Variants in IQCM observed in about 807,000 individuals in gnomAD.
IQCM encodes IQ motif containing M.
A neutral mutation model predicts 57.6 loss-of-function variants in IQCM; 45 were observed. That is an observed-to-expected ratio of 0.78 (90% CI 0.62 to 1.00). IQCM has a LOEUF of 1.00. Ranked by LOEUF, IQCM falls within the 50% of genes least tolerant of loss-of-function variation. IQCM has a pLI of 0.00. For synonymous variants in IQCM, 148 were observed against 158.9 expected (o/e 0.93, Z 0.51); for missense variants, 468 against 511.6 (o/e 0.91, Z 0.82).
intron 2 of IQCM, among the ~76,000 whole-genome samples, chr4:149,753,212 C>A (rs1181795158): frequency 6.6e-6 from 1 of 151,230 alleles, no homozygotes; most frequent in Non-Finnish European, 1.5e-5. Flanking sequence ...TCAATAAGAT[C>A]AACAATTGGA....
At chr4:149,414,223 C>T (rs1263636077) in intron 13 of IQCM, among the ~76,000 whole-genome samples, 1 of 152,180 alleles carries the variant, frequency 6.6e-6, no homozygotes, top group African/African-American at 2.4e-5. Context: ...GAATTCTCCT[C>T]TCTTCATCCA....
chr4:149,554,435 G>A (rs568628216), intron 10 of IQCM, among the ~76,000 whole-genome samples: 74 of 151,846 alleles, frequency 4.9e-4, no homozygotes, highest in Non-Finnish European at 7.7e-4. Context: ...TCATGTCTCA[G>A]CCCCTGGAGT....
chr4:149,362,024 AC>A (rs1729529558), intron 13 of IQCM, among the ~76,000 whole-genome samples: 1 of 152,124 alleles, frequency 6.6e-6, no homozygotes, highest in Non-Finnish European at 1.5e-5. Context: ...CATCACCATG[AC>A]CTGGAGGTGA....
chr4:149,750,986 T>A (rs1278219964), intron 2 of IQCM, among the ~76,000 whole-genome samples: 2 of 152,196 alleles, frequency 1.3e-5, no homozygotes, highest in Admixed American at 6.5e-5. Context: ...TTCTTTTTTA[T>A]CTCTATAAAC....
At position 149,621,225 on chromosome 4, in the gene IQCM, C is replaced by G; in HGVS notation, c.585G>C (p.Trp195Cys). 1 of 1,231,076 alleles carries G rather than the reference C, an allele frequency of 8.1e-7. No homozygotes were observed. The highest frequency in any genetic ancestry group is 1.0e-6 in the Non-Finnish European group (1 of 987,004). 76.3% of individuals were successfully genotyped at this position (1,231,076 alleles called of 1,614,324 possible). Residue 195 changes from tryptophan to cysteine, a missense_variant, in exon 8 of 14, where the codon TGG becomes TGC. By Grantham distance (215) the Trp-to-Cys change is radical. Transcript: ENST00000636793. ...LKEPDKAFYDWRGFVLTRSFR... is the reference protein window; with the variant it reads ...LKEPDKAFYDCRGFVLTRSFR... ...AAGACCTTGTCAGCACAAATCCTCT[C>G]CAGTCATAGAATGCTTTGTCTGTTA...
At chr4:149,478,847 T>C (rs1394747217) in intron 12 of IQCM, among the ~76,000 whole-genome samples, 3 of 152,168 alleles carry the variant, frequency 2.0e-5, no homozygotes, top group South Asian at 2.1e-4. Context: ...TTAACATTAA[T>C]GTGATTTCAT....
At chr4:149,632,990 T>C (rs1466012405) in intron 7 of IQCM, among the ~76,000 whole-genome samples, 42 of 148,596 alleles carry the variant, frequency 2.8e-4, no homozygotes, top group East Asian at 9.9e-4. Context: ...TGAAACCCCG[T>C]CTCTACTAAA....
At chr4:149,596,658 T>C (rs1167161789) in intron 8 of IQCM, among the ~76,000 whole-genome samples, 1 of 151,926 alleles carries the variant, frequency 6.6e-6, no homozygotes, top group African/African-American at 2.4e-5. Flanking sequence ...TGGCTCTGAG[T>C]GAAGAGATAA....
At chr4:149,651,658 G>C (rs553777054) in intron 7 of IQCM, among the ~76,000 whole-genome samples, 1 of 152,186 alleles carries the variant, frequency 6.6e-6, no homozygotes, top group South Asian at 2.1e-4. Context: ...AAAAAGATAT[G>C]ACTGATGAAT....
At chr4:149,680,363 G>A (rs1762089256) in intron 7 of IQCM, among the ~76,000 whole-genome samples, 1 of 150,846 alleles carries the variant, frequency 6.6e-6, no homozygotes, top group Non-Finnish European at 1.5e-5. Context: ...ATAACATTTT[G>A]TTTATTTTGA....
intron 12 of IQCM, among the ~76,000 whole-genome samples, chr4:149,447,810 T>C (rs541781826): frequency 6.6e-6 from 1 of 151,632 alleles, no homozygotes; most frequent in South Asian, 2.1e-4. Flanking sequence ...ATAAGATATA[T>C]GAATGAAACT....
intron 12 of IQCM, among the ~76,000 whole-genome samples, chr4:149,470,358 G>A (rs1329774617): frequency 2.0e-5 from 3 of 150,530 alleles, no homozygotes; most frequent in Admixed American, 6.6e-5. Flanking sequence ...AACCAACAAA[G>A]ATCAAAGGAG....
chr4:149,570,407 G>A (rs908849676), intron 9 of IQCM, among the ~76,000 whole-genome samples: 5 of 151,908 alleles, frequency 3.3e-5, no homozygotes, highest in Admixed American at 1.3e-4. Context: ...AAACCAGCTC[G>A]CTCTTTTCTA....
chr4:149,363,311 T>G (rs1729618596), intron 13 of IQCM, among the ~76,000 whole-genome samples: 2 of 152,096 alleles, frequency 1.3e-5, no homozygotes, highest in South Asian at 4.1e-4. Flanking sequence ...AGTGACAGCA[T>G]CAGACATCAC....
At chr4:149,386,666 C>T (rs1320390369) in intron 13 of IQCM, among the ~76,000 whole-genome samples, 1 of 152,012 alleles carries the variant, frequency 6.6e-6, no homozygotes, top group Non-Finnish European at 1.5e-5. Context: ...ACAAGGTCCA[C>T]ACAGTGTGTT....
At chr4:149,763,358 T>A (rs1314543183) in intron 2 of IQCM, among the ~76,000 whole-genome samples, 1 of 152,072 alleles carries the variant, frequency 6.6e-6, no homozygotes, top group Admixed American at 6.6e-5. Flanking sequence ...GAGTATTATT[T>A]TTTTGCATGT....
At chr4:149,395,120 A>C (rs531538539) in intron 13 of IQCM, among the ~76,000 whole-genome samples, 2 of 152,178 alleles carry the variant, frequency 1.3e-5, no homozygotes, top group African/African-American at 4.8e-5. Flanking sequence ...AAAGGAGGCC[A>C]ATTCAAATGG....
intron 13 of IQCM, among the ~76,000 whole-genome samples, chr4:149,356,000 A>T (rs1430281517): frequency 6.6e-6 from 1 of 152,100 alleles, no homozygotes; most frequent in Non-Finnish European, 1.5e-5. Flanking sequence ...GCCAGTGATG[A>T]TGAACATTTT....
intron 13 of IQCM, among the ~76,000 whole-genome samples, chr4:149,391,420 A>AT (rs931759132): frequency 2.0e-5 from 3 of 151,368 alleles, no homozygotes; most frequent in African/African-American, 7.3e-5. Context: ...GCTTTTGTTG[A>AT]TTTTTTTAAA....
Sources: allele counts gnomAD v4.1 joint callset (sites outside exome capture counted in the v4.1 genomes callset), GRCh38; gene constraint gnomAD v4.1.1; transcripts MANE v1.5; gene names NCBI Gene and HGNC (gene_info 2026-07-23, HGNC 2026-07-21).